ELP2: variants seen among roughly 807,000 people sequenced by gnomAD.
The protein encoded by ELP2 is elongator complex protein 2.
ELP2 carries 90 observed loss-of-function variants against 119.2 expected under a neutral mutation model. The observed-to-expected ratio is 0.75, with a 90% CI of 0.64 to 0.90. ELP2 has a LOEUF of 0.90. Among genes scored for constraint, ELP2 ranks in the 40% least tolerant of loss-of-function variants. ELP2 has a pLI of 0.00. For synonymous variants in ELP2, 339 were observed against 331.0 expected (o/e 1.02, Z -0.26); for missense variants, 921 against 967.8 (o/e 0.95, Z 0.64).
At chr18:36,149,450 A>T (rs2090316685) in intron 11 of ELP2, among the ~76,000 whole-genome samples, 1 of 145,556 alleles carries the variant, frequency 6.9e-6, no homozygotes, top group Admixed American at 6.9e-5. Context: ...TTGATACAAG[A>T]CTTAGAAACA....
At position 36,177,641 on chromosome 18, in the gene ELP2, AATCTT is replaced by A. The variant is rs1449046755; in HGVS notation, c.*3006_*3010del. 1 of 152,174 alleles carries A rather than the reference AATCTT, an allele frequency of 6.6e-6. No homozygotes were observed. The highest frequency in any genetic ancestry group is 1.5e-5 in the Non-Finnish European group (1 of 68,032). The allele number at this position is 152,174 out of a possible 1,614,324, so 9.4% of individuals were successfully genotyped here. A position where few individuals can be genotyped will look rare whatever the true frequency, so the allele number is the denominator to read the frequency against. Reference sequence around the variant, plus strand: ...ACACTCTAAAATGGTTAAGATGGTAAATCTTATCTTTATTTTACCACAGTTTTTTT... The same window carrying A: ...ACACTCTAAAATGGTTAAGATGGTAAATCTTTATTTTACCACAGTTTTTTT... On this transcript the variant is annotated 3_prime_UTR_variant, in exon 22 of 22. Transcript: ENST00000358232.
chr18:36,130,913 A>AT lies in ELP2; in HGVS notation c.138+843dup, dbSNP rs545305823. Among the ~76,000 whole-genome samples the AT allele has an allele frequency of 2.0e-5, 3 of 152,270 alleles. No individual in the cohort carries two copies. In the South Asian group the frequency reaches 6.2e-4, roughly 32 times the overall value. The stretch of plus-strand genomic sequence containing the variant: ...GCCAGGAGCGTGTCTCATGTCTGTA[A>AT]TCCCGGCACTTTGGGAGGCAGAGGT... On this transcript the variant is annotated intron_variant, in intron 1 of 21. Transcript: ENST00000358232.
intron 18 of ELP2, chr18:36,165,008 T>A: frequency 3.5e-6 from 1 of 284,776 alleles, no homozygotes; most frequent in South Asian, 3.9e-5. Context: ...TAACTTATCC[T>A]AAGCTAGGAT....
chr18:36,170,870 A>G, intron 20 of ELP2, 177 bp from the exon 21 acceptor site: 3 of 643,712 alleles, frequency 4.7e-6, no homozygotes. Flanking sequence ...AGCCCCTGTA[A>G]AGAGGAGGCT....
At chr18:36,168,737 A>G (rs1041477082) in intron 19 of ELP2, among the ~76,000 whole-genome samples, 3 of 152,118 alleles carry the variant, frequency 2.0e-5, no homozygotes, top group African/African-American at 4.8e-5. Context: ...ACATGCCTAT[A>G]GAACATGGTC....
intron 11 of ELP2, among the ~76,000 whole-genome samples, chr18:36,154,189 T>A (rs776165621): frequency 4.6e-5 from 7 of 152,292 alleles, no homozygotes; most frequent in Admixed American, 1.3e-4. Flanking sequence ...AGGTTAAGTT[T>A]TAGTCCCACT....
Position 36,177,632 on chromosome 18 carries a change from A to G in ELP2, c.*2991A>G, listed in dbSNP as rs977134516. On this transcript the variant is annotated 3_prime_UTR_variant, in exon 22 of 22. Transcript: ENST00000358232. ...CTCAACTGTACACTCTAAAATGGTT[A>G]AGATGGTAAATCTTATCTTTATTTT... is the stretch of plus-strand genomic sequence containing the variant. The G allele has an allele frequency of 1.1e-4, 16 of 152,190 alleles. No individual in the cohort carries two copies. Among genetic ancestry groups the G allele is most frequent in the African/African-American group, 3.6e-4 (15 of 41,442 alleles). 9.4% of individuals were successfully genotyped at this position (152,190 alleles called of 1,614,324 possible).
chr18:36,158,965 C>A, intron 14 of ELP2, 61 bp downstream of exon 14: 1 of 1,122,634 alleles, frequency 8.9e-7, no homozygotes, highest in Non-Finnish European at 1.4e-6. Flanking sequence ...CAGTCATACA[C>A]TTGTGTAATG....
chr18:36,163,102 A>G (rs1246230805), intron 17 of ELP2, among the ~76,000 whole-genome samples: 1 of 152,004 alleles, frequency 6.6e-6, no homozygotes, highest in Admixed American at 6.6e-5. Flanking sequence ...ATTTCATGCC[A>G]TATGTCCATG....
At chr18:36,170,855 T>C in intron 20 of ELP2, 192 bp from the exon 21 acceptor site, 1 of 613,012 alleles carries the variant, frequency 1.6e-6, no homozygotes, top group Non-Finnish European at 2.9e-6. Context: ...GATAAATCTG[T>C]GTGCAGCCCC....
rs1269389238 is a variant in ELP2, at chr18:36,156,563, A to G, written c.1373A>G (p.Glu458Gly). 6.2e-7 allele frequency: 1 copy of G among 1,614,156 alleles called. No individual in the cohort carries two copies. Among genetic ancestry groups the G allele is most frequent in the Non-Finnish European group, 8.5e-7 (1 of 1,180,014 alleles). ...NRFQFVSGAD[E>G]KVLRVFSAPR... ...TTTCAGTTTGTATCTGGAGCAGATG[A>G]AAAAGTTCTTCGGGTTTTTTCTGCA... Residue 458 changes from glutamate (E) to glycine (G), a missense_variant, in exon 13 of 22, where the codon GAA (glutamate) becomes GGA (glycine). Coordinates refer to ENST00000358232, the MANE Select transcript of ELP2 (RefSeq NM_018255.4).
chr18:36,157,937 G>A (rs990707098), intron 13 of ELP2, among the ~76,000 whole-genome samples: 2 of 152,190 alleles, frequency 1.3e-5, no homozygotes, highest in African/African-American at 4.8e-5. Flanking sequence ...GAGAGGCTTA[G>A]TCCCAGTTGT....
intron 1 of ELP2, among the ~76,000 whole-genome samples, chr18:36,132,183 G>A (rs998320719): frequency 1.8e-4 from 27 of 152,066 alleles, no homozygotes; most frequent in African/African-American, 6.5e-4. Context: ...ACCACACCTG[G>A]CCTCGATTGG....
Position 36,161,152 on chromosome 18 carries a change from C to A in ELP2, c.1761+148C>A. ...ATCTTACTTTCTCAATTTCTCTTAC[C>A]CTTCTGTCTCTTCAAAAGCTTATGG... On this transcript the variant is annotated intron_variant, in intron 17 of 21. Transcript: ENST00000358232. The A allele has an allele frequency of 5.9e-6, 4 of 681,368 alleles. No individual in the cohort carries two copies. In the Admixed American group the frequency reaches 9.4e-5, roughly 16 times the overall value. The allele number at this position is 681,368 out of a possible 1,614,324, so 42.2% of individuals were successfully genotyped here. A position where few individuals can be genotyped will look rare whatever the true frequency, so the allele number is the denominator to read the frequency against.
At chr18:36,172,029 T>C (rs973824216) in intron 21 of ELP2, among the ~76,000 whole-genome samples, 10 of 152,194 alleles carry the variant, frequency 6.6e-5, no homozygotes, top group Non-Finnish European at 1.3e-4. Context: ...CCACATTTTA[T>C]TCTTTAAAAA....
intron 20 of ELP2, 106 bp downstream of exon 20, chr18:36,170,302 CTTTTTTTTCTTTT>C (rs937696373): frequency 1.2e-4 from 146 of 1,263,710 alleles, no homozygotes; most frequent in Non-Finnish European, 1.4e-4. Flanking sequence ...GAGTTACTGT[CTTTTTTTTCTTTT>C]TTTTTTTTTG....
intron 10 of ELP2, 59 bp downstream of exon 10, chr18:36,146,107 C>A: frequency 6.3e-7 from 1 of 1,583,518 alleles, no homozygotes. Flanking sequence ...GTATTTAAAT[C>A]CCAAGTCTAT....
rs559954660 is a variant in ELP2 at position 36,148,292 on chromosome 18, A to G, written c.1125+1911A>G. Among the ~76,000 whole-genome samples the G allele has an allele frequency of 7.9e-5, 12 of 152,002 alleles. No individual in the cohort carries two copies. In the East Asian group the frequency reaches 2.3e-3, roughly 29 times the overall value. On this transcript the variant is annotated intron_variant, in intron 11 of 21. Coordinates refer to ENST00000358232, the MANE Select transcript of ELP2 (RefSeq NM_018255.4). Reference sequence around the variant, plus strand: ...GTATTTTTAGTAGAGACGGGGCTTCATGGTTTTAGCACCTCGTGATCTGCC... The same window carrying G: ...GTATTTTTAGTAGAGACGGGGCTTCGTGGTTTTAGCACCTCGTGATCTGCC...
chr18:36,146,235 T>G lies in ELP2; in HGVS notation c.994-15T>G. 6.2e-7 allele frequency: 1 copy of G among 1,614,074 alleles called. No individual in the cohort carries two copies. The highest frequency in any genetic ancestry group is 8.5e-7 in the Non-Finnish European group (1 of 1,179,944). On this transcript the variant is annotated splice_polypyrimidine_tract_variant and intron_variant, in intron 10 of 21. Coordinates refer to ENST00000358232, the MANE Select transcript of ELP2 (RefSeq NM_018255.4). ...ACTATTGATTAAGAATTGTTTTCTG[T>G]CTGTTATTGTACAGGTTCGAGTAGG...
Sources: gnomAD v4.1 joint callset for allele counts (sites outside exome capture counted in the v4.1 genomes callset) on GRCh38, gnomAD v4.1.1 for gene constraint, MANE v1.5 for transcripts, NCBI Gene and HGNC (gene_info 2026-07-23, HGNC 2026-07-21) for gene names.